Variants in SH3RF2 observed in about 807,000 individuals in gnomAD.
SH3RF2 encodes E3 ubiquitin-protein ligase SH3RF2.
A neutral mutation model predicts 59.0 loss-of-function variants in SH3RF2; 43 were observed. The observed-to-expected ratio is 0.73, with a 90% CI of 0.57 to 0.94. The LOEUF (loss-of-function observed/expected upper bound fraction) is 0.94. SH3RF2 is among the 40% of genes least tolerant of loss of function. SH3RF2 has a pLI of 0.00. For synonymous variants in SH3RF2, 391 were observed against 391.5 expected (o/e 1.00, Z 0.01); for missense variants, 930 against 940.1 (o/e 0.99, Z 0.14).
At chr5:145,976,277 C>T (rs995217037) in intron 2 of SH3RF2, among the ~76,000 whole-genome samples, 1 of 152,068 alleles carries the variant, frequency 6.6e-6, no homozygotes, top group African/African-American at 2.4e-5. Flanking sequence ...CCTGAGCTTC[C>T]AGTTCTTCAC....
At position 145,938,092 on chromosome 5, in the gene SH3RF2, C is replaced by T. The variant is rs777417398; in HGVS notation, c.164C>T (p.Pro55Leu). The stretch of plus-strand genomic sequence containing the variant: ...CTGCGGTGCCCCGAATGCAGGACGC[C>T]TGTGTTTTCCAACATTGAGGCGCTG... The part of the protein sequence containing the change: ...KELRCPECRT[P>L]VFSNIEALPA... Residue 55 changes from proline to leucine, a missense_variant, in exon 2 of 10, where the codon CCT becomes CTT. Coordinates refer to ENST00000359120, the MANE Select transcript of SH3RF2 (RefSeq NM_152550.4). 9 of 1,614,142 alleles carry T rather than the reference C, an allele frequency of 5.6e-6. No homozygotes were observed. The South Asian group carries it at 7.7e-5, about 14-fold the overall frequency.
intron 2 of SH3RF2, among the ~76,000 whole-genome samples, chr5:145,959,486 C>T (rs1384309255): frequency 6.6e-6 from 1 of 151,920 alleles, no homozygotes; most frequent in East Asian, 1.9e-4. Context: ...GCAGATTCAC[C>T]CCCCTCTGCC....
intron 9 of SH3RF2, among the ~76,000 whole-genome samples, chr5:146,074,481 G>A (rs1763303448): frequency 6.6e-6 from 1 of 151,838 alleles, no homozygotes; most frequent in African/African-American, 2.4e-5. Flanking sequence ...CAGCATTCAG[G>A]ACTGTGAGAT....
chr5:146,067,165 C>T (rs1763127166), downstream of SH3RF2, among the ~76,000 whole-genome samples: 2 of 152,074 alleles, frequency 1.3e-5, no homozygotes, highest in South Asian at 2.1e-4. Flanking sequence ...TTTAAAGCAG[C>T]GCCCCTACCT....
At chr5:145,986,784 C>T (rs957467615) in intron 2 of SH3RF2, among the ~76,000 whole-genome samples, 16 of 152,150 alleles carry the variant, frequency 1.1e-4, no homozygotes, top group Admixed American at 9.8e-4. Flanking sequence ...TCAAAGAAAT[C>T]TCAGGGAAAT....
At chr5:146,055,284 T>C (rs549431459) in intron 7 of SH3RF2, among the ~76,000 whole-genome samples, 10 of 152,348 alleles carry the variant, frequency 6.6e-5, no homozygotes, top group Non-Finnish European at 1.2e-4. Flanking sequence ...TGGGTTCAAG[T>C]AGCTGCTTGG....
intron 5 of SH3RF2, among the ~76,000 whole-genome samples, chr5:146,028,445 T>G (rs574257176): frequency 6.6e-6 from 1 of 152,260 alleles, no homozygotes; most frequent in African/African-American, 2.4e-5. Flanking sequence ...ACAGACCTGT[T>G]AGGAGATGAA....
At chr5:145,945,194 C>T (rs935091403) in intron 2 of SH3RF2, among the ~76,000 whole-genome samples, 6 of 152,134 alleles carry the variant, frequency 3.9e-5, no homozygotes, top group African/African-American at 1.2e-4. Flanking sequence ...CTGTAGGATG[C>T]ATCCAATTTT....
At chr5:145,987,904 T>C (rs753851346) in intron 2 of SH3RF2, among the ~76,000 whole-genome samples, 14 of 152,232 alleles carry the variant, frequency 9.2e-5, no homozygotes, top group Non-Finnish European at 1.8e-4. Flanking sequence ...ATCACATTAA[T>C]CGTCTCCAAA....
At chr5:145,965,086 G>A (rs757192578) in intron 2 of SH3RF2, among the ~76,000 whole-genome samples, 8 of 152,122 alleles carry the variant, frequency 5.3e-5, no homozygotes, top group South Asian at 2.1e-4. Flanking sequence ...CCAGCTACTC[G>A]GGAGGCTGAG....
At chr5:146,044,970 G>A (rs2150012598) in intron 5 of SH3RF2, among the ~76,000 whole-genome samples, 2 of 152,350 alleles carry the variant, frequency 1.3e-5, no homozygotes, top group Non-Finnish European at 2.9e-5. Flanking sequence ...AGACCCTAGT[G>A]TAATGAAAAG....
At chr5:146,022,718 C>CA (rs1462016868) in intron 5 of SH3RF2, among the ~76,000 whole-genome samples, 1 of 151,832 alleles carries the variant, frequency 6.6e-6, no homozygotes, top group South Asian at 2.1e-4. Context: ...ACTAAAAATA[C>CA]AAAAATTAGC....
At chr5:146,068,770 G>A (rs192245637) in intron 9 of SH3RF2, among the ~76,000 whole-genome samples, 8 of 152,290 alleles carry the variant, frequency 5.3e-5, no homozygotes, top group Admixed American at 1.3e-4. Flanking sequence ...AGAAGGCAGC[G>A]AGGTGGGATC....
intron 9 of SH3RF2, among the ~76,000 whole-genome samples, chr5:146,072,074 G>A (rs1048252089): frequency 6.6e-6 from 1 of 152,198 alleles, no homozygotes; most frequent in Non-Finnish European, 1.5e-5. Flanking sequence ...GAGCAGCACA[G>A]AGAAATGTGA....
intron 5 of SH3RF2, among the ~76,000 whole-genome samples, chr5:146,031,075 T>C (rs1405793078): frequency 2.0e-5 from 3 of 152,132 alleles, no homozygotes; most frequent in Non-Finnish European, 4.4e-5. Flanking sequence ...CCTAATGCCT[T>C]TGTGAGAATG....
At chr5:145,956,629 G>A (rs995929426) in intron 2 of SH3RF2, among the ~76,000 whole-genome samples, 5 of 152,024 alleles carry the variant, frequency 3.3e-5, no homozygotes, top group African/African-American at 1.2e-4. Flanking sequence ...AGAAGCAAAG[G>A]GGTTAAGATA....
chr5:146,054,759 A>C (rs572363230), intron 7 of SH3RF2, among the ~76,000 whole-genome samples: 1 of 152,386 alleles, frequency 6.6e-6, no homozygotes, highest in South Asian at 2.1e-4. Context: ...GTCAATCAAA[A>C]GAAGGAAAGA....
chr5:146,010,497 A>C (rs570493862), intron 4 of SH3RF2, among the ~76,000 whole-genome samples: 1 of 152,204 alleles, frequency 6.6e-6, no homozygotes. Context: ...TCCCAACAAC[A>C]GTGTAAAAGT....
intron 4 of SH3RF2, among the ~76,000 whole-genome samples, chr5:146,006,277 A>G (rs2149987896): frequency 6.6e-6 from 1 of 152,232 alleles, no homozygotes; most frequent in South Asian, 2.1e-4. Context: ...TTTAAAAACT[A>G]GCCAGGCATG....
Sources: gnomAD v4.1 joint callset for allele counts (sites outside exome capture counted in the v4.1 genomes callset) on GRCh38, gnomAD v4.1.1 for gene constraint, MANE v1.5 for transcripts, NCBI Gene and HGNC (gene_info 2026-07-23, HGNC 2026-07-21) for gene names.